The following BAZ2B variants were observed in gnomAD, a reference collection of about 807,000 sequenced individuals.
BAZ2B encodes the protein bromodomain adjacent to zinc finger domain 2B, also known as bromodomain adjacent to zinc finger domain protein 2B.
Under a neutral mutation model 246.0 loss-of-function variants are expected in BAZ2B, and 91 were observed. That is an observed-to-expected ratio of 0.37 (90% confidence interval 0.31 to 0.44). BAZ2B has a LOEUF of 0.44. Among genes scored for constraint, BAZ2B ranks in the 20% least tolerant of loss-of-function variants. BAZ2B has a pLI of 1.00. For missense variants in BAZ2B, 2,332 were observed against 2,533.7 expected, an observed-to-expected ratio of 0.92 and a Z score of 1.71; for synonymous variants, 855 against 860.0, an observed-to-expected ratio of 0.99 and a Z score of 0.10.
At chr2:159,674,917 T>G in the BAZ2B span, among the ~76,000 whole-genome samples, 1 of 152,208 alleles carries the variant, frequency 6.6e-6, no homozygotes, top group African/African-American at 2.4e-5. Flanking sequence ...GAGCTCTACC[T>G]TAAAAGTCTA....
intron 6 of BAZ2B, among the ~76,000 whole-genome samples, chr2:159,440,755 C>T (rs1244025533): frequency 1.3e-5 from 2 of 152,004 alleles, no homozygotes; most frequent in African/African-American, 2.4e-5. Flanking sequence ...ATGATGCACC[C>T]GCCTCGGCCT....
chr2:159,654,978 A>G, the BAZ2B span, among the ~76,000 whole-genome samples: 2 of 152,240 alleles, frequency 1.3e-5, no homozygotes, highest in Non-Finnish European at 2.9e-5. Flanking sequence ...AAATATAAAC[A>G]TTTATTTTTC....
chr2:159,395,848 T>A lies in BAZ2B; in HGVS notation c.3010-14A>T. On this transcript the variant is annotated splice_polypyrimidine_tract_variant and intron_variant, in intron 19 of 36. Transcript: ENST00000392783. ...TCGCTCTCGTTCCTATTAGGCCAGA[T>A]AAAATGTGGAAAATAACTCAGCCAC... is the stretch of plus-strand genomic sequence containing the variant. 1 of 1,595,748 alleles carries A rather than the reference T, an allele frequency of 6.3e-7. No individual in the cohort carries two copies. The highest frequency in any genetic ancestry group is 8.5e-7 in the Non-Finnish European group (1 of 1,171,840).
intron 2 of BAZ2B, among the ~76,000 whole-genome samples, chr2:159,541,901 G>T (rs2086704345): frequency 6.6e-6 from 1 of 151,814 alleles, no homozygotes; most frequent in African/African-American, 2.4e-5. Flanking sequence ...AAGAGCAAAA[G>T]GAAACCCATA....
At chr2:159,452,364 G>C (rs1186682507) in intron 4 of BAZ2B, among the ~76,000 whole-genome samples, 3 of 152,140 alleles carry the variant, frequency 2.0e-5, no homozygotes, top group Non-Finnish European at 2.9e-5. Context: ...ACTGTACTCA[G>C]CACTACATAT....
At position 159,416,693 on chromosome 2, in the gene BAZ2B, T is replaced by C. The variant is rs1213045151; in HGVS notation, c.2467-4148A>G. On this transcript the variant is annotated intron_variant, in intron 13 of 36. Coordinates refer to ENST00000392783, the MANE Select transcript of BAZ2B (RefSeq NM_013450.4). The stretch of plus-strand genomic sequence containing the variant: ...CCTGTGTCAAAAGAGGAACAAAATA[T>C]GTTGGTGCCTAGAACTTAGCAGACA... Among the ~76,000 whole-genome samples the C allele has an allele frequency of 3.3e-5, 5 of 152,218 alleles. No individual in the cohort carries two copies. The East Asian group carries it at 9.6e-4, about 29-fold the overall frequency.
In BAZ2B at chr2:159,503,680, A is replaced by G. The variant is rs561841762; in HGVS notation, c.-2-24959T>C. ...CTGCAACCTCCCCCTCCCGGGTTCA[A>G]GCAATTCTCCTGCCTCAGCCTCCCA... is the stretch of plus-strand genomic sequence containing the variant. On this transcript the variant is annotated intron_variant, in intron 2 of 36. Coordinates refer to ENST00000392783, the MANE Select transcript of BAZ2B (RefSeq NM_013450.4). Among the ~76,000 whole-genome samples, 159 of 152,120 alleles carry G rather than the reference A, an allele frequency of 1.0e-3. 1 individual carries two copies. Among genetic ancestry groups the G allele is most frequent in the South Asian group, 4.1e-3 (20 of 4,824 alleles).
chr2:159,505,336 C>T (rs2082218365), intron 2 of BAZ2B, among the ~76,000 whole-genome samples: 1 of 152,082 alleles, frequency 6.6e-6, no homozygotes, highest in African/African-American at 2.4e-5. Context: ...ATTAGAAACA[C>T]ATGGGGGATC....
At chr2:159,467,093 C>A (rs1210253743) in intron 3 of BAZ2B, among the ~76,000 whole-genome samples, 1 of 152,138 alleles carries the variant, frequency 6.6e-6, no homozygotes, top group African/African-American at 2.4e-5. Flanking sequence ...ATTTGAAATT[C>A]TGAGTTGGGA....
In BAZ2B at chr2:159,395,782, C is replaced by A. The variant is rs774456199; in HGVS notation, c.3062G>T (p.Arg1021Leu). The A allele has an allele frequency of 9.3e-6, 15 of 1,609,670 alleles. No individual in the cohort carries two copies. The highest frequency in any genetic ancestry group is 1.2e-5 in the Non-Finnish European group (14 of 1,177,426). ...HMMLMKAMEARKKAEEKERLK... is the reference protein window; with the variant it reads ...HMMLMKAMEALKKAEEKERLK... Reference sequence around the variant, plus strand: ...ACATACACTTACTTCTGCTTTTTTACGAGCTTCCATAGCTTTCATAAGCAT... The same window carrying A: ...ACATACACTTACTTCTGCTTTTTTAAGAGCTTCCATAGCTTTCATAAGCAT... The change falls in exon 20 of 37, where the codon CGT (arginine) becomes CTT (leucine). Residue 1021 changes from arginine (R) to leucine (L), a missense_variant. Around this residue, in one of 9 missense-constraint regions of BAZ2B, gnomAD observed 328 missense variants for 410.4 expected, o/e 0.80. Coordinates refer to ENST00000392783, the MANE Select transcript of BAZ2B (RefSeq NM_013450.4).
At chr2:159,516,095 T>G (rs901266456) in intron 2 of BAZ2B, among the ~76,000 whole-genome samples, 3 of 152,112 alleles carry the variant, frequency 2.0e-5, no homozygotes, top group Non-Finnish European at 4.4e-5. Flanking sequence ...ACAGAAATAC[T>G]TTTTCATTTT....
intron 25 of BAZ2B, among the ~76,000 whole-genome samples, chr2:159,378,640 C>A (rs1214857356): frequency 6.6e-6 from 1 of 152,000 alleles, no homozygotes; most frequent in Non-Finnish European, 1.5e-5. Context: ...TGGCAAAGAA[C>A]CTGAATAGAC....
the BAZ2B span, among the ~76,000 whole-genome samples, chr2:159,645,666 G>A: frequency 3.4e-3 from 514 of 152,134 alleles, 4 homozygotes; most frequent in Non-Finnish European, 5.6e-3. Context: ...TAGTCACGTA[G>A]GTTCTTTTCT....
intron 3 of BAZ2B, 127 bp from the exon 4 acceptor site, chr2:159,453,928 C>A (rs1257368161): frequency 2.5e-6 from 2 of 790,492 alleles, no homozygotes; most frequent in East Asian, 3.4e-5. Flanking sequence ...CCTTTTCCTG[C>A]TGCATTTTCT....
chr2:159,685,831 G>C, the BAZ2B span, among the ~76,000 whole-genome samples: 1 of 152,222 alleles, frequency 6.6e-6, no homozygotes, highest in African/African-American at 2.4e-5. Context: ...TACAGGATAT[G>C]TAAGAGATAT....
downstream of BAZ2B, among the ~76,000 whole-genome samples, chr2:159,318,114 C>A: frequency 6.6e-6 from 1 of 152,126 alleles, no homozygotes; most frequent in South Asian, 2.1e-4. Context: ...TATCAAGCCC[C>A]TTATATACCA....
intron 1 of BAZ2B, among the ~76,000 whole-genome samples, chr2:159,577,216 A>T (rs1029696664): frequency 2.6e-5 from 4 of 152,192 alleles, no homozygotes; most frequent in Non-Finnish European, 5.9e-5. Flanking sequence ...TGACAGAGTG[A>T]GATCCTATCT....
At chr2:159,623,570 A>G in the BAZ2B span, among the ~76,000 whole-genome samples, 140,298 of 152,210 alleles carry the variant, frequency 0.92, 65,152 homozygotes, top group Non-Finnish European at 0.98. Context: ...CTGCTAGTGA[A>G]TGAGGCTCCT....
chr2:159,570,706 T>TA (rs1683790485), intron 1 of BAZ2B, among the ~76,000 whole-genome samples: 1 of 152,222 alleles, frequency 6.6e-6, no homozygotes, highest in Non-Finnish European at 1.5e-5. Flanking sequence ...TCTCCAGAAA[T>TA]ACTTTTTAAC....
Sources: allele counts gnomAD v4.1 joint callset (sites outside exome capture counted in the v4.1 genomes callset), GRCh38; gene constraint gnomAD v4.1.1; regional missense constraint gnomAD v4.1.1; transcripts MANE v1.5; gene names NCBI Gene and HGNC (gene_info 2026-07-23, HGNC 2026-07-21).